The following AHI1 variants were observed in gnomAD, a reference collection of about 807,000 sequenced individuals.
The protein encoded by AHI1 is Abelson helper integration site 1.
AHI1 carries 123 observed loss-of-function variants against 149.3 expected under a neutral mutation model. The observed-to-expected ratio is 0.82, with a 90% CI of 0.71 to 0.96. The LOEUF (loss-of-function observed/expected upper bound fraction) is 0.96, where lower values mean the gene tolerates loss of function less well. Ranked by LOEUF, AHI1 falls within the 40% of genes least tolerant of loss-of-function variation. The pLI is 0.00. For missense variants in AHI1, 1,439 were observed against 1,422.7 expected, an observed-to-expected ratio of 1.01 and a Z score of -0.18; for synonymous variants, 475 against 459.8, an observed-to-expected ratio of 1.03 and a Z score of -0.42.
intron 26 of AHI1, among the ~76,000 whole-genome samples, chr6:135,306,139 C>G (rs1784510035): frequency 6.6e-6 from 1 of 152,176 alleles, no homozygotes; most frequent in African/African-American, 2.4e-5. Flanking sequence ...TCTTCTACTA[C>G]AGTGCACAGA....
rs143261524 is a variant in AHI1 at position 135,318,359 on chromosome 6, A to T, written c.3426+160T>A. ...CAGTTTCCTTATCTGGAAAATGGCT[A>T]TAACGTTTGCCTTATGTATTTCATA... On this transcript the variant is annotated intron_variant, in intron 26 of 28. Transcript: ENST00000265602. 5.7e-4 allele frequency: 338 copies of T among 595,180 alleles called. 1 individual carries two copies. The African/African-American group carries it at 5.9e-3, about 10-fold the overall frequency. The allele number at this position is 595,180 out of a possible 1,614,324, so 36.9% of individuals were successfully genotyped here.
At chr6:135,384,176 A>C (rs182927662) in intron 23 of AHI1, among the ~76,000 whole-genome samples, 110 of 152,318 alleles carry the variant, frequency 7.2e-4, no homozygotes, top group African/African-American at 2.6e-3. Context: ...TTTTAACATA[A>C]GACATTTACT....
At chr6:135,432,156 T>C (rs554615241) in intron 16 of AHI1, among the ~76,000 whole-genome samples, 2 of 152,250 alleles carry the variant, frequency 1.3e-5, no homozygotes, top group South Asian at 4.1e-4. Context: ...TCCAAATTTA[T>C]TAACATCCCT....
At chr6:135,364,784 C>G (rs550943761) in intron 23 of AHI1, among the ~76,000 whole-genome samples, 16 of 152,346 alleles carry the variant, frequency 1.1e-4, no homozygotes, top group African/African-American at 3.8e-4. Context: ...CGCAGGCACT[C>G]GGCAAGCTGA....
At chr6:135,311,301 C>CAAAAAAAAAA (rs35950731) in intron 26 of AHI1, among the ~76,000 whole-genome samples, 1 of 79,944 alleles carries the variant, frequency 1.3e-5, no homozygotes, top group Non-Finnish European at 2.4e-5. Flanking sequence ...GACCCCGCCT[C>CAAAAAAAAAA]AAAAAAAAAA....
At chr6:135,321,800 CA>C (rs1786869947) in intron 25 of AHI1, among the ~76,000 whole-genome samples, 1 of 152,056 alleles carries the variant, frequency 6.6e-6, no homozygotes. Context: ...GCCTATACTA[CA>C]ACTTTTTTTT....
intron 10 of AHI1, among the ~76,000 whole-genome samples, chr6:135,453,715 A>G (rs1478299954): frequency 6.6e-6 from 1 of 152,180 alleles, no homozygotes; most frequent in East Asian, 1.9e-4. Flanking sequence ...AGGTACAAAT[A>G]TAATAGGCAT....
At chr6:135,463,097 A>C in intron 8 of AHI1, 28 bp downstream of exon 8, 1 of 1,538,140 alleles carries the variant, frequency 6.5e-7, no homozygotes, top group South Asian at 1.3e-5. Flanking sequence ...CAACATACAC[A>C]ATTTTTCATT....
rs769035209 is a variant in AHI1 at position 135,457,629 on chromosome 6, A to T, written c.1016T>A (p.Leu339His). Residue 339 changes from leucine to histidine, a missense_variant, in exon 9 of 29, where the codon CTT (leucine) becomes CAT (histidine). Coordinates refer to ENST00000265602, the MANE Select transcript of AHI1 (RefSeq NM_001134831.2). ...AACTCCCAAGACAAGGTCATCATCA[A>T]GCAAACATTTGGGATAAACCGGGCT... ...RDSPVYPKCL[L>H]DDDLVLGVYI... 6.2e-7 allele frequency: 1 copy of T among 1,613,994 alleles called. No homozygotes were observed. The highest frequency in any genetic ancestry group is 8.5e-7 in the Non-Finnish European group (1 of 1,179,882).
chr6:135,323,120 T>A (rs753638508), intron 25 of AHI1, 42 bp downstream of exon 25: 2 of 1,559,344 alleles, frequency 1.3e-6, no homozygotes, highest in Non-Finnish European at 1.7e-6. Context: ...GGACTATCAG[T>A]TATACCATAC....
At chr6:135,357,179 T>C (rs560076942) in intron 24 of AHI1, among the ~76,000 whole-genome samples, 40 of 152,342 alleles carry the variant, frequency 2.6e-4, no homozygotes, top group Middle Eastern at 6.8e-3. Context: ...CCTTGTGATC[T>C]GCCCGCCTTG....
chr6:135,478,528 C>G (rs1284886787), intron 5 of AHI1, among the ~76,000 whole-genome samples: 1 of 152,046 alleles, frequency 6.6e-6, no homozygotes, highest in Non-Finnish European at 1.5e-5. Flanking sequence ...TCAGATGTGG[C>G]CTAGTTGCTG....
intron 24 of AHI1, among the ~76,000 whole-genome samples, chr6:135,346,656 G>C (rs1018728269): frequency 5.6e-4 from 85 of 152,284 alleles, no homozygotes; most frequent in African/African-American, 1.9e-3. Flanking sequence ...TGAAACTTAA[G>C]TGTATACAGT....
In AHI1 at chr6:135,295,777, A is replaced by G. The variant is rs1783004158; in HGVS notation, c.3485+4723T>C. Among the ~76,000 whole-genome samples the G allele has an allele frequency of 2.6e-5, 4 of 152,232 alleles. No individual in the cohort carries two copies. In the South Asian group the frequency reaches 8.3e-4, roughly 32 times the overall value. ...CATCAGAAGTCTTGGAGAGATGGGT[A>G]TGCTCATTACCTTAATTGTGGTGAT... On this transcript the variant is annotated intron_variant, in intron 27 of 28. Transcript: ENST00000265602.
At chr6:135,304,600 G>A (rs757973799) in intron 26 of AHI1, among the ~76,000 whole-genome samples, 2 of 151,776 alleles carry the variant, frequency 1.3e-5, no homozygotes, top group Non-Finnish European at 2.9e-5. Context: ...TGAAACCCCG[G>A]TCTCTACTAA....
chr6:135,336,250 T>G (rs924049267), intron 24 of AHI1, among the ~76,000 whole-genome samples: 1 of 152,080 alleles, frequency 6.6e-6, no homozygotes, highest in Non-Finnish European at 1.5e-5. Flanking sequence ...CCTATTGCCT[T>G]CTTACATTAT....
At chr6:135,482,894 C>CTTTGTTTTTTTTTTTTTTTTTTT (rs1793901897) in intron 5 of AHI1, among the ~76,000 whole-genome samples, 1 of 55,734 alleles carries the variant, frequency 1.8e-5, no homozygotes, top group Non-Finnish European at 2.8e-5. Flanking sequence ...CCATTTAAGG[C>CTTTGTTTTTTTTTTTTTTTTTTT]TTTTTTTTTT....
At chr6:135,396,020 T>G (rs1779164816) in intron 22 of AHI1, among the ~76,000 whole-genome samples, 1 of 151,800 alleles carries the variant, frequency 6.6e-6, no homozygotes, top group African/African-American at 2.4e-5. Context: ...TTCTATTTTT[T>G]GCTTTTAAAC....
chr6:135,398,851 C>T (rs1314281518), intron 22 of AHI1, among the ~76,000 whole-genome samples: 1 of 152,102 alleles, frequency 6.6e-6, no homozygotes, highest in East Asian at 1.9e-4. Flanking sequence ...CAAGATTCAT[C>T]CCTCAGTCCC....
Sources: gnomAD v4.1 joint callset for allele counts (sites outside exome capture counted in the v4.1 genomes callset) on GRCh38, gnomAD v4.1.1 for gene constraint, MANE v1.5 for transcripts, NCBI Gene and HGNC (gene_info 2026-07-23, HGNC 2026-07-21) for gene names.